SUPT3H: variants seen among roughly 807,000 people sequenced by gnomAD.
SUPT3H encodes transcription initiation protein SPT3 homolog.
In SUPT3H, 44 loss-of-function variants were observed where a neutral mutation model predicts 44.3. That is an observed-to-expected ratio of 0.99 (90% CI 0.78 to 1.28). SUPT3H has a LOEUF of 1.28. SUPT3H is among the 50% of genes most tolerant of loss of function. The pLI, the probability that SUPT3H is intolerant of heterozygous loss-of-function variation, is 0.00. For missense variants in SUPT3H, 380 were observed against 387.1 expected, an observed-to-expected ratio of 0.98 and a Z score of 0.15; for synonymous variants, 124 against 125.6, an observed-to-expected ratio of 0.99 and a Z score of 0.09.
intron 2 of SUPT3H, among the ~76,000 whole-genome samples, chr6:45,363,956 A>G (rs990890419): frequency 6.6e-6 from 1 of 151,978 alleles, no homozygotes; most frequent in Non-Finnish European, 1.5e-5. Flanking sequence ...CTCTACTAAA[A>G]ATACAAAAAT....
chr6:44,944,757 C>G (rs1773027319), intron 9 of SUPT3H, among the ~76,000 whole-genome samples: 1 of 3,682 alleles, frequency 2.7e-4, no homozygotes, highest in Admixed American at 4.6e-3. Flanking sequence ...GCAAGACCCT[C>G]TCTCCAAAAA....
rs1403362884 is a variant in SUPT3H, at chr6:44,905,072, A to C, written c.912+27581T>G. Among the ~76,000 whole-genome samples the C allele has an allele frequency of 2.0e-5, 3 of 152,278 alleles. No individual in the cohort carries two copies. The East Asian group carries it at 5.8e-4, about 29-fold the overall frequency. On this transcript the variant is annotated intron_variant, in intron 10 of 10. Transcript: ENST00000371459. ...GACCTAAAACCATAAAAACCCTAGAAGAAAACCTAGGCAATACCATTCAGG... is the reference window on the plus strand; with the variant it reads ...GACCTAAAACCATAAAAACCCTAGACGAAAACCTAGGCAATACCATTCAGG...
chr6:45,219,596 T>C (rs1295522428), intron 2 of SUPT3H, among the ~76,000 whole-genome samples: 1 of 152,162 alleles, frequency 6.6e-6, no homozygotes, highest in Admixed American at 6.5e-5. Context: ...AAATGGATAA[T>C]ATGAACTGTC....
Position 44,827,481 on chromosome 6 carries a change from ACTCACTTTCC to A in SUPT3H, c.*2325_*2334del, listed in dbSNP as rs1767894181. On this transcript the variant is annotated 3_prime_UTR_variant, in exon 11 of 11. Transcript: ENST00000371459. The stretch of plus-strand genomic sequence containing the variant: ...CTACATTATTGAGTGATCTTAGGAA[ACTCACTTTCC>A]CTCTCTAGGCCATGGTTTTTTCATT... Among the ~76,000 whole-genome samples the A allele has an allele frequency of 6.6e-6, 1 of 151,656 alleles. No individual in the cohort carries two copies. The highest frequency in any genetic ancestry group is 1.5e-5 in the Non-Finnish European group (1 of 67,858).
chr6:44,957,906 G>A (rs971371945), intron 7 of SUPT3H, among the ~76,000 whole-genome samples: 21 of 152,170 alleles, frequency 1.4e-4, no homozygotes, highest in Admixed American at 1.2e-3. Flanking sequence ...TTCTTTGAGA[G>A]CTAATTCCTT....
intron 6 of SUPT3H, among the ~76,000 whole-genome samples, chr6:44,982,369 G>A (rs1176039342): frequency 2.0e-5 from 3 of 152,042 alleles, no homozygotes; most frequent in Non-Finnish European, 4.4e-5. Flanking sequence ...GACTACAAGT[G>A]CCCGCCACCA....
chr6:45,190,191 A>G (rs1814896216), intron 2 of SUPT3H, among the ~76,000 whole-genome samples: 1 of 152,202 alleles, frequency 6.6e-6, no homozygotes, highest in African/African-American at 2.4e-5. Flanking sequence ...AATATATAGC[A>G]TGAAATATTT....
chr6:44,918,824 C>T (rs144151261), intron 10 of SUPT3H, among the ~76,000 whole-genome samples: 246 of 152,270 alleles, frequency 1.6e-3, no homozygotes, highest in African/African-American at 5.7e-3. Context: ...ATAGCTTACA[C>T]GCCACTGAAA....
At chr6:45,214,029 A>C (rs1031575152) in intron 2 of SUPT3H, among the ~76,000 whole-genome samples, 1 of 150,412 alleles carries the variant, frequency 6.6e-6, no homozygotes, top group African/African-American at 2.4e-5. Context: ...AAAAAAAAAA[A>C]AAAAAACAAG....
chr6:45,258,624 T>G (rs1773807051), intron 2 of SUPT3H, among the ~76,000 whole-genome samples: 1 of 152,154 alleles, frequency 6.6e-6, no homozygotes, highest in Non-Finnish European at 1.5e-5. Context: ...AGTCAGTCAG[T>G]AAAAGACTTC....
intron 2 of SUPT3H, among the ~76,000 whole-genome samples, chr6:45,270,705 A>G (rs10807320): frequency 0.38 from 57,667 of 152,098 alleles, 11,580 homozygotes; most frequent in Non-Finnish European, 0.45. Flanking sequence ...AGAGTGGGGC[A>G]CTGCTGAAAA....
chr6:45,276,884 G>A (rs1283574467), intron 2 of SUPT3H, among the ~76,000 whole-genome samples: 3 of 152,136 alleles, frequency 2.0e-5, no homozygotes, highest in Non-Finnish European at 4.4e-5. Context: ...TGTAGCAATA[G>A]ATAACTGATA....
At chr6:45,189,225 A>G (rs901258860) in intron 2 of SUPT3H, among the ~76,000 whole-genome samples, 3 of 152,238 alleles carry the variant, frequency 2.0e-5, no homozygotes, top group African/African-American at 7.2e-5. Flanking sequence ...GAGAAACCCT[A>G]GTAAGTAAAA....
intron 3 of SUPT3H, among the ~76,000 whole-genome samples, chr6:45,102,627 T>C (rs1798734305): frequency 2.0e-5 from 3 of 152,204 alleles, no homozygotes; most frequent in Admixed American, 1.3e-4. Context: ...ATTTAGACTA[T>C]AAATACTTCA....
chr6:44,834,217 C>T (rs926859048), intron 10 of SUPT3H, among the ~76,000 whole-genome samples: 5 of 152,000 alleles, frequency 3.3e-5, no homozygotes, highest in South Asian at 2.1e-4. Context: ...ATAATGGTTT[C>T]GTCAATAAAT....
rs140609532 is a variant in SUPT3H, at chr6:45,373,460, TTAGCAG to T, written c.-1+4302_-1+4307del. Among the ~76,000 whole-genome samples the T allele has an allele frequency of 7.4e-3, 1,131 of 152,286 alleles. 17 individuals carry two copies. The highest frequency in any genetic ancestry group is 0.026 in the African/African-American group (1,073 of 41,550). ...TGCCCAAGAAAATGTTGGTTCTCCC[TTAGCAG>T]TAGTATGGGGTTGTTTTCCGTAGAA... On this transcript the variant is annotated intron_variant, in intron 1 of 10. Coordinates refer to ENST00000371459, the MANE Select transcript of SUPT3H (RefSeq NM_003599.4).
intron 3 of SUPT3H, among the ~76,000 whole-genome samples, chr6:45,071,664 A>G (rs1245376856): frequency 2.2e-5 from 3 of 139,526 alleles, no homozygotes; most frequent in South Asian, 2.3e-4. Context: ...TTTTGGGACT[A>G]GAGTCCTACT....
Position 44,811,213 on chromosome 6 carries a change from G to C in SUPT3H, c.*53-1712C>G, listed in dbSNP as rs566744415. Among the ~76,000 whole-genome samples the C allele has an allele frequency of 3.9e-5, 6 of 152,240 alleles. No homozygotes were observed. In the South Asian group the frequency reaches 1.2e-3, roughly 32 times the overall value. ...TATGATAGTTTCTCAGGCTTTCCTTGACAGTTTTGAGGAGTGTGGTCAGGT... is the reference window on the plus strand; with the variant it reads ...TATGATAGTTTCTCAGGCTTTCCTTCACAGTTTTGAGGAGTGTGGTCAGGT... On this transcript the variant is annotated intron_variant and NMD_transcript_variant, in intron 11 of 11. Coordinates refer to the SUPT3H transcript ENST00000475057.
chr6:45,205,733 G>C (rs1435370871), intron 2 of SUPT3H, among the ~76,000 whole-genome samples: 2 of 152,012 alleles, frequency 1.3e-5, no homozygotes, highest in Non-Finnish European at 2.9e-5. Context: ...GGAGGCAGAG[G>C]CTGCAGTGAG....
Sources: allele counts gnomAD v4.1 joint callset (sites outside exome capture counted in the v4.1 genomes callset), GRCh38; gene constraint gnomAD v4.1.1; transcripts MANE v1.5; gene names NCBI Gene and HGNC (gene_info 2026-07-23, HGNC 2026-07-21).